IPO7: variants seen among roughly 807,000 people sequenced by gnomAD.
The protein encoded by IPO7 is importin-7.
A neutral mutation model predicts 136.4 loss-of-function variants in IPO7; 13 were observed. The observed-to-expected ratio is 0.10, with a 90% CI of 0.06 to 0.15. The LOEUF (loss-of-function observed/expected upper bound fraction) is 0.15, where lower values mean the gene tolerates loss of function less well. IPO7 is among the 10% of genes least tolerant of loss of function. The pLI is 1.00. For synonymous variants in IPO7, 403 were observed against 404.4 expected, an observed-to-expected ratio of 1.00 and a Z score of 0.04; for missense variants, 857 against 1,240.6, an observed-to-expected ratio of 0.69 and a Z score of 4.65.
intron 1 of IPO7, among the ~76,000 whole-genome samples, chr11:9,389,045 TTTA>T (rs1215971585): frequency 1.3e-5 from 2 of 151,568 alleles, no homozygotes; most frequent in Non-Finnish European, 1.5e-5. Flanking sequence ...TTTTTTAAAA[TTTA>T]TTATTATTAT....
At chr11:9,434,173 T>G (rs1424403240) in intron 18 of IPO7, among the ~76,000 whole-genome samples, 1 of 152,098 alleles carries the variant, frequency 6.6e-6, no homozygotes, top group Non-Finnish European at 1.5e-5. Flanking sequence ...TCCGCCCACC[T>G]CAGCCTCCCA....
At chr11:9,428,371 TG>T (rs1285577740) in intron 12 of IPO7, among the ~76,000 whole-genome samples, 168 bp from the exon 13 acceptor site, 1 of 152,204 alleles carries the variant, frequency 6.6e-6, no homozygotes, top group East Asian at 1.9e-4. Context: ...TAGTGGTTTT[TG>T]GTGGTGAAGT....
rs942640354 is a variant in IPO7 at position 9,445,753 on chromosome 11, A to G, written c.*559A>G. ...TTCCTATGTAGATTATTGGACATTT[A>G]TTGTAGCACTACATAACTGATTATA... On this transcript the variant is annotated 3_prime_UTR_variant, in exon 25 of 25. Transcript: ENST00000379719. 1.3e-5 allele frequency: 2 copies of G among 152,078 alleles called. No homozygotes were observed. The highest frequency in any genetic ancestry group is 1.3e-4 in the Admixed American group (2 of 15,228). The allele number at this position is 152,078 out of a possible 1,614,324, so 9.4% of individuals were successfully genotyped here. A position where few individuals can be genotyped will look rare whatever the true frequency, so the allele number is the denominator to read the frequency against.
At chr11:9,384,920 T>A in intron 1 of IPO7, 73 bp downstream of exon 1, 1 of 1,203,374 alleles carries the variant, frequency 8.3e-7, no homozygotes, top group Admixed American at 2.2e-5. Context: ...CCCCGGGGCC[T>A]GGCCGGAGGC....
Position 9,433,652 on chromosome 11 carries a change from T to G in IPO7, c.1948+16T>G. 6.2e-7 allele frequency: 1 copy of G among 1,612,786 alleles called. No homozygotes were observed. Among genetic ancestry groups the G allele is most frequent in the African/African-American group, 1.3e-5 (1 of 75,024 alleles). On this transcript the variant is annotated intron_variant, in intron 17 of 24. Transcript: ENST00000379719. ...CATGTCTTAGGTATTATACCTCTGA[T>G]TGTGCTAAGAATTTAGTGCTATTTC...
chr11:9,415,264 G>A (rs1204743378), intron 5 of IPO7, among the ~76,000 whole-genome samples: 1 of 151,844 alleles, frequency 6.6e-6, no homozygotes, highest in African/African-American at 2.4e-5. Flanking sequence ...GGAGGTTGTG[G>A]TGAGCCAAGA....
At chr11:9,403,399 A>G (rs1854829283) in intron 2 of IPO7, 28 bp downstream of exon 2, 4 of 1,495,760 alleles carry the variant, frequency 2.7e-6, no homozygotes, top group Non-Finnish European at 3.7e-6. Flanking sequence ...TATTGAGTGT[A>G]TGTAATCTAT....
chr11:9,404,341 TG>T (rs1260300644), intron 2 of IPO7, among the ~76,000 whole-genome samples: 3 of 151,122 alleles, frequency 2.0e-5, no homozygotes, highest in African/African-American at 7.3e-5. Flanking sequence ...GGCGGGCGCC[TG>T]TAGTCCCAGC....
At chr11:9,400,473 G>T (rs1316033199) in intron 1 of IPO7, among the ~76,000 whole-genome samples, 1 of 151,866 alleles carries the variant, frequency 6.6e-6, no homozygotes, top group Admixed American at 6.6e-5. Flanking sequence ...CCAGGCTGGA[G>T]TGCGGTGGCG....
intron 15 of IPO7, among the ~76,000 whole-genome samples, 180 bp downstream of exon 15, chr11:9,430,014 A>G (rs1855270506): frequency 6.6e-6 from 1 of 152,044 alleles, no homozygotes. Context: ...TTGGGATGAA[A>G]CTGTTCCACC....
At chr11:9,444,963 T>C (rs571640816) in intron 24 of IPO7, 134 bp from the exon 25 acceptor site, 15 of 637,972 alleles carry the variant, frequency 2.4e-5, no homozygotes, top group Non-Finnish European at 4.0e-5. Flanking sequence ...CCTTATACAT[T>C]GGAGAAATCA....
intron 24 of IPO7, among the ~76,000 whole-genome samples, chr11:9,442,429 T>C (rs1014416978): frequency 2.0e-5 from 3 of 151,918 alleles, no homozygotes; most frequent in African/African-American, 4.8e-5. Flanking sequence ...TGTTTGTTTG[T>C]TTGAGATGGC....
Position 9,433,767 on chromosome 11 carries a change from A to T in IPO7, c.1995A>T (p.Gln665His). The change falls in exon 18 of 25, where the codon CAA (glutamine) becomes CAT (histidine). Residue 665 changes from glutamine (Q) to histidine (H), a missense_variant. Gln to His is a conservative substitution (Grantham distance 24). Transcript: ENST00000379719. Reference protein sequence around the residue: ...IFSLAHSLTCQQVSPQMWQLL... With the variant: ...IFSLAHSLTCHQVSPQMWQLL... ...CTTTAGCGCACAGTTTGACATGTCA[A>T]CAAGTGTCTCCACAGATGTGGCAGC... 6.2e-7 allele frequency: 1 copy of T among 1,611,958 alleles called. No individual in the cohort carries two copies. Among genetic ancestry groups the T allele is most frequent in the South Asian group, 1.1e-5 (1 of 90,992 alleles).
chr11:9,429,295 G>T (rs536930489), intron 14 of IPO7, 99 bp downstream of exon 14: 7 of 1,034,952 alleles, frequency 6.8e-6, no homozygotes, highest in South Asian at 3.1e-5. Context: ...TGGGAAGAGC[G>T]CTTGAAGCCA....
In IPO7 at chr11:9,410,098, T is replaced by C. The variant is rs1211628370; in HGVS notation, c.479+12T>C. The C allele has an allele frequency of 1.9e-6, 3 of 1,562,360 alleles. No homozygotes were observed. The highest frequency in any genetic ancestry group is 2.3e-5 in the East Asian group (1 of 42,636). ...GTGAAAAATTATGAGTAAGTGTTTCTTTCAACTCCTATAGAGCTTTGAGAA... is the reference window on the plus strand; with the variant it reads ...GTGAAAAATTATGAGTAAGTGTTTCCTTCAACTCCTATAGAGCTTTGAGAA... On this transcript the variant is annotated intron_variant, in intron 4 of 24. Coordinates refer to ENST00000379719, the MANE Select transcript of IPO7 (RefSeq NM_006391.3).
chr11:9,419,765 C>T (rs540840303), intron 6 of IPO7, among the ~76,000 whole-genome samples: 40 of 151,654 alleles, frequency 2.6e-4, no homozygotes, highest in Non-Finnish European at 4.1e-4. Context: ...CAAATCGTTG[C>T]GCATTTATAC....
intron 1 of IPO7, among the ~76,000 whole-genome samples, chr11:9,402,235 A>G (rs1005075447): frequency 2.0e-5 from 3 of 151,304 alleles, no homozygotes; most frequent in African/African-American, 7.3e-5. Context: ...CCCCGTCTCT[A>G]TTAAAAATAC....
At chr11:9,432,394 G>A (rs1855307631) in intron 16 of IPO7, among the ~76,000 whole-genome samples, 1 of 151,990 alleles carries the variant, frequency 6.6e-6, no homozygotes. Context: ...TAGAGACAGG[G>A]TTTCACCATG....
chr11:9,438,221 C>T lies in IPO7; in HGVS notation c.2631C>T (p.Ala877=). 1 of 1,612,470 alleles carries T rather than the reference C, an allele frequency of 6.2e-7. No homozygotes were observed. The highest frequency in any genetic ancestry group is 8.5e-7 in the Non-Finnish European group (1 of 1,179,184). ...TTAACGGATTGAAAAGAGCATATGC[C>T]TGCCATGCAGAACATGAGAATGACA... ...LLFNGLKRAY[A]CHAEHENDSD... is the part of the protein sequence containing the mutation. Residue 877 remains alanine (A), a synonymous_variant, in exon 22 of 25, where the codon GCC becomes GCT. Transcript: ENST00000379719.
Sources: gnomAD v4.1 joint callset for allele counts (sites outside exome capture counted in the v4.1 genomes callset) on GRCh38, gnomAD v4.1.1 for gene constraint, MANE v1.5 for transcripts, NCBI Gene and HGNC (gene_info 2026-07-23, HGNC 2026-07-21) for gene names.